The following UQCRC2 variants were observed in gnomAD, a reference collection of about 807,000 sequenced individuals.
The protein encoded by UQCRC2 is cytochrome b-c1 complex subunit 2, mitochondrial.
UQCRC2 carries 49 observed loss-of-function variants against 55.6 expected under a neutral mutation model. The ratio of observed to expected loss-of-function variants is 0.88; its 90% confidence interval spans 0.70 to 1.12. UQCRC2 has a LOEUF of 1.12. Ranked by LOEUF, UQCRC2 falls within the 50% of genes most tolerant of loss-of-function variation. The pLI, the probability that UQCRC2 is intolerant of heterozygous loss-of-function variation, is 0.00. For synonymous variants in UQCRC2, 193 were observed against 192.0 expected (o/e 1.01, Z -0.04); for missense variants, 506 against 547.8 (o/e 0.92, Z 0.76).
intron 6 of UQCRC2, among the ~76,000 whole-genome samples, chr16:21,964,481 C>T (rs913431838): frequency 1.3e-5 from 2 of 152,146 alleles, no homozygotes; most frequent in South Asian, 2.1e-4. Flanking sequence ...CGTGATCTTA[C>T]CCCAGCCCAC....
At chr16:21,974,851 G>A (rs1435395466) in intron 11 of UQCRC2, among the ~76,000 whole-genome samples, 1 of 152,196 alleles carries the variant, frequency 6.6e-6, no homozygotes, top group Non-Finnish European at 1.5e-5. Flanking sequence ...GGCTAATATT[G>A]GAAGATATTG....
At chr16:21,958,422 G>A (rs763764882) in intron 3 of UQCRC2, 113 bp from the exon 4 acceptor site, 62 of 918,040 alleles carry the variant, frequency 6.8e-5, no homozygotes, top group Non-Finnish European at 3.1e-5. Context: ...AAAGGATGCA[G>A]GAATTTAGTA....
At chr16:21,980,441 C>A in intron 12 of UQCRC2, 106 bp from the exon 13 acceptor site, 1 of 1,199,586 alleles carries the variant, frequency 8.3e-7, no homozygotes, top group Non-Finnish European at 1.2e-6. Context: ...CGCTGTTACT[C>A]TATCCATTAA....
intron 12 of UQCRC2, chr16:21,976,928 A>G (rs1026067007): frequency 6.6e-6 from 1 of 152,234 alleles, no homozygotes; most frequent in Non-Finnish European, 1.5e-5. Flanking sequence ...TTCTGCAGTT[A>G]TAAAGATATC....
At chr16:21,956,067 C>T (rs952378495) in intron 1 of UQCRC2, among the ~76,000 whole-genome samples, 2 of 152,122 alleles carry the variant, frequency 1.3e-5, no homozygotes, top group African/African-American at 4.8e-5. Flanking sequence ...TCAGGTGATC[C>T]GCCCACCTTG....
chr16:21,961,384 A>G (rs1257797210), intron 4 of UQCRC2: 2 of 428,782 alleles, frequency 4.7e-6, no homozygotes, highest in Non-Finnish European at 9.5e-6. Context: ...CCATTACGGA[A>G]TGAACTAGAT....
intron 6 of UQCRC2, among the ~76,000 whole-genome samples, chr16:21,965,056 A>T (rs1898292953): frequency 6.6e-6 from 1 of 151,134 alleles, no homozygotes; most frequent in Non-Finnish European, 1.5e-5. Flanking sequence ...GACTTGTCCA[A>T]GGTCACATGG....
chr16:21,957,711 T>A, intron 3 of UQCRC2, 145 bp downstream of exon 3: 1 of 1,232,322 alleles, frequency 8.1e-7, no homozygotes, highest in Non-Finnish European at 1.1e-6. Context: ...TTAAACCAAA[T>A]AAGTTTATCC....
At chr16:21,973,083 G>C (rs1305683840) in intron 10 of UQCRC2, among the ~76,000 whole-genome samples, 1 of 152,196 alleles carries the variant, frequency 6.6e-6, no homozygotes, top group African/African-American at 2.4e-5. Flanking sequence ...CTGGGTGACA[G>C]AGCAAGACTC....
chr16:21,971,753 G>A, intron 9 of UQCRC2, 133 bp downstream of exon 9: 1 of 1,320,026 alleles, frequency 7.6e-7, no homozygotes, highest in East Asian at 2.4e-5. Flanking sequence ...CTTGGGTGTT[G>A]TATTTTGAGC....
chr16:21,964,596 TA>T (rs1898281568), intron 6 of UQCRC2, among the ~76,000 whole-genome samples: 1 of 152,186 alleles, frequency 6.6e-6, no homozygotes, highest in African/African-American at 2.4e-5. Flanking sequence ...TTCCTGTGCC[TA>T]AAATGCTGTT....
At chr16:21,980,257 C>A in intron 12 of UQCRC2, 1 of 311,394 alleles carries the variant, frequency 3.2e-6, no homozygotes, top group Non-Finnish European at 6.1e-6. Context: ...AGCTCTCCAG[C>A]TGTCTCACTC....
At chr16:21,977,964 A>C (rs1898625421) in intron 12 of UQCRC2, among the ~76,000 whole-genome samples, 1 of 152,216 alleles carries the variant, frequency 6.6e-6, no homozygotes, top group African/African-American at 2.4e-5. Flanking sequence ...ACCAGAAACA[A>C]AACATGATGA....
intron 2 of UQCRC2, 42 bp downstream of exon 2, chr16:21,957,360 T>G: frequency 6.2e-7 from 1 of 1,613,996 alleles, no homozygotes; most frequent in Non-Finnish European, 8.5e-7. Flanking sequence ...ATACATGCCT[T>G]ACTCTCCTTG....
In UQCRC2 at chr16:21,976,206, C is replaced by T; in HGVS notation, c.1087C>T (p.Gln363Ter). ...CTATAATCAAGTAAAAACAATAGCT[C>T]AAGGAAACCTTTCCAACACAGATGT... ...AAYNQVKTIA[Q>*]GNLSNTDVQA... The change falls in exon 12 of 14, where the codon CAA becomes TAA. Residue 363 changes from glutamine (Q) to a stop codon, truncating the protein, a stop_gained. Coordinates refer to ENST00000268379, the MANE Select transcript of UQCRC2 (RefSeq NM_003366.4). LOFTEE classifies it high-confidence loss of function. 6.2e-7 allele frequency: 1 copy of T among 1,614,008 alleles called. No homozygotes were observed.
intron 6 of UQCRC2, 30 bp downstream of exon 6, chr16:21,962,915 C>T (rs1331447940): frequency 1.3e-6 from 2 of 1,596,292 alleles, no homozygotes; most frequent in African/African-American, 1.3e-5. Flanking sequence ...ACATTTGATT[C>T]TAAGATACTG....
chr16:21,964,176 C>T (rs936189832), intron 6 of UQCRC2, among the ~76,000 whole-genome samples: 1 of 152,100 alleles, frequency 6.6e-6, no homozygotes, highest in Admixed American at 6.6e-5. Flanking sequence ...CACAGAGGAG[C>T]ATTATCTTTG....
intron 7 of UQCRC2, among the ~76,000 whole-genome samples, chr16:21,967,168 T>G (rs1567473636): frequency 6.6e-6 from 1 of 152,294 alleles, no homozygotes; most frequent in East Asian, 1.9e-4. Context: ...CTTGGAGCAA[T>G]GGCAGCATCA....
At position 21,957,328 on chromosome 16, in the gene UQCRC2, A is replaced by G. The variant is rs369087958; in HGVS notation, c.117+10A>G. On this transcript the variant is annotated intron_variant, in intron 2 of 13. Transcript: ENST00000268379. ...ACCTCAGGACCTTGAGGTTAGTCCCACTAACTTGCTCGCTGGAAGCTATAC... is the reference window on the plus strand; with the variant it reads ...ACCTCAGGACCTTGAGGTTAGTCCCGCTAACTTGCTCGCTGGAAGCTATAC... 9.6e-5 allele frequency: 155 copies of G among 1,614,024 alleles called. No homozygotes were observed. In the East Asian group the frequency reaches 2.2e-3, roughly 23 times the overall value.
Sources: gnomAD v4.1 joint callset for allele counts (sites outside exome capture counted in the v4.1 genomes callset) on GRCh38, gnomAD v4.1.1 for gene constraint, MANE v1.5 for transcripts, NCBI Gene and HGNC (gene_info 2026-07-23, HGNC 2026-07-21) for gene names.